The following OR4K1 variants were observed in gnomAD, a reference collection of about 807,000 sequenced individuals.
OR4K1 encodes olfactory receptor 4K1.
Under a neutral mutation model 14.4 loss-of-function variants are expected in OR4K1, and 16 were observed. The observed-to-expected ratio is 1.11, with a 90% CI of 0.75 to 1.68. The LOEUF (loss-of-function observed/expected upper bound fraction) is 1.68. Ranked by LOEUF, OR4K1 falls within the 40% of genes most tolerant of loss-of-function variation. The pLI is 0.00. For missense variants in OR4K1, 548 were observed against 376.9 expected, an observed-to-expected ratio of 1.45 and a Z score of -3.76; for synonymous variants, 181 against 133.1, an observed-to-expected ratio of 1.36 and a Z score of -2.48.
rs372704933 is a variant in OR4K1, at chr14:19,936,078, C to A, written c.412C>A (p.Arg138=). The A allele has an allele frequency of 3.1e-6, 5 of 1,614,218 alleles. No homozygotes were observed. The East Asian group carries it at 8.9e-5, about 29-fold the overall frequency. ...TCTGCACTACAGTACAATTATGAACCGGAGGCTCTGTGTAATTTTTGTGTC... is the reference window on the plus strand; with the variant it reads ...TCTGCACTACAGTACAATTATGAACAGGAGGCTCTGTGTAATTTTTGTGTC... ...KPLHYSTIMN[R]RLCVIFVSIS... The change falls in exon 2 of 2, where the codon CGG becomes AGG. Residue 138 remains arginine, a synonymous_variant. Transcript: ENST00000641172.
intron 1 of OR4K1, among the ~76,000 whole-genome samples, chr14:19,933,696 G>A (rs1478033811): frequency 2.6e-5 from 4 of 152,144 alleles, no homozygotes; most frequent in Non-Finnish European, 5.9e-5. Flanking sequence ...AGGTTCAAGC[G>A]ATTCTCCTGC....
upstream of OR4K1, among the ~76,000 whole-genome samples, chr14:19,929,866 T>A (rs768339317): frequency 6.6e-6 from 1 of 152,234 alleles, no homozygotes; most frequent in Non-Finnish European, 1.5e-5. Context: ...TGTTTGTCAT[T>A]GTATATCTCC....
At chr14:19,921,122 TGTA>T in the OR4K1 span, 74 of 1,614,082 alleles carry the variant, frequency 4.6e-5, no homozygotes, top group African/African-American at 6.7e-5. Flanking sequence ...GTGGACCTAA[TGTA>T]GTAGACAGCT....
Position 19,936,243 on chromosome 14 carries a change from T to C in OR4K1, c.577T>C (p.Tyr193His), listed in dbSNP as rs775770759. The C allele has an allele frequency of 6.2e-6, 10 of 1,614,094 alleles. No homozygotes were observed. Among genetic ancestry groups the C allele is most frequent in the Non-Finnish European group, 8.5e-6 (10 of 1,180,028 alleles). ...LVIELACMDTYEMEIMTLTNS... is the reference protein window; with the variant it reads ...LVIELACMDTHEMEIMTLTNS... ...GATAGAGCTGGCTTGCATGGATACA[T>C]ATGAAATGGAAATTATGACCCTAAC... Residue 193 changes from tyrosine (Y) to histidine (H), a missense_variant, in exon 2 of 2, where the codon TAT becomes CAT. By Grantham distance (83) the Tyr-to-His change is moderately conservative (BLOSUM62 2). Coordinates refer to ENST00000641172, the MANE Select transcript of OR4K1 (RefSeq NM_001004063.3).
chr14:19,936,221 A>G lies in OR4K1; in HGVS notation c.555A>G (p.Ile185Met), dbSNP rs764134770. Residue 185 changes from isoleucine (I) to methionine (M), a missense_variant, in exon 2 of 2, where the codon ATA becomes ATG. By Grantham distance (10) the Ile-to-Met change is conservative. Transcript: ENST00000641172. ...TCTTTTGTGACCTTCCCTTGGTGAT[A>G]GAGCTGGCTTGCATGGATACATATG... is the stretch of plus-strand genomic sequence containing the variant. The part of the protein sequence containing the change: ...DSFFCDLPLV[I>M]ELACMDTYEM... The G allele has an allele frequency of 1.2e-6, 2 of 1,614,242 alleles. No homozygotes were observed. Among genetic ancestry groups the G allele is most frequent in the South Asian group, 1.1e-5 (1 of 91,090 alleles).
chr14:19,921,554 A>T, the OR4K1 span: 2 of 1,612,158 alleles, frequency 1.2e-6, no homozygotes, highest in Non-Finnish European at 1.7e-6. Flanking sequence ...AAATGTCACT[A>T]GTAGTGAGAA....
the OR4K1 span, among the ~76,000 whole-genome samples, chr14:19,922,605 G>A: frequency 6.6e-6 from 1 of 150,522 alleles, no homozygotes; most frequent in African/African-American, 2.4e-5. Context: ...TTTTTTCAAA[G>A]TAAACTGAAG....
At chr14:19,930,302 A>T (rs984464188), upstream of OR4K1, among the ~76,000 whole-genome samples, 1 of 152,158 alleles carries the variant, frequency 6.6e-6, no homozygotes, top group Non-Finnish European at 1.5e-5. Flanking sequence ...CTTACCTTCA[A>T]TTTTTTTACT....
At chr14:19,931,673 T>C (rs1464224672) in intron 1 of OR4K1, among the ~76,000 whole-genome samples, 1 of 152,374 alleles carries the variant, frequency 6.6e-6, no homozygotes, top group East Asian at 1.9e-4. Flanking sequence ...GTATAGTAGA[T>C]ATTAATGCAA....
rs572738291 is a variant in OR4K1 at position 19,936,062 on chromosome 14, C to A, written c.396C>A (p.Tyr132Ter). The change falls in exon 2 of 2, where the codon TAC becomes TAA. Residue 132 changes from tyrosine (Y) to a stop codon, truncating the protein, a stop_gained. Transcript: ENST00000641172. LOFTEE classifies it high-confidence loss of function. ...RFIAICKPLH[Y>*]STIMNRRLCV... ...TAGCCATATGTAAGCCTCTGCACTA[C>A]AGTACAATTATGAACCGGAGGCTCT... The A allele has an allele frequency of 9.6e-5, 155 of 1,614,136 alleles. No individual in the cohort carries two copies. The South Asian group carries it at 1.6e-3, about 17-fold the overall frequency.
upstream of OR4K1, among the ~76,000 whole-genome samples, chr14:19,927,806 G>T (rs189687103): frequency 1.3e-5 from 2 of 152,308 alleles, no homozygotes; most frequent in Non-Finnish European, 2.9e-5. Context: ...CTCTCTACCT[G>T]TAGTCCTTCT....
the OR4K1 span, among the ~76,000 whole-genome samples, chr14:19,925,250 G>A: frequency 1.3e-5 from 2 of 152,224 alleles, no homozygotes; most frequent in African/African-American, 4.8e-5. Flanking sequence ...ACTGGGATTT[G>A]AACATTGATT....
At chr14:19,920,471 T>C in the OR4K1 span, 1 of 1,131,624 alleles carries the variant, frequency 8.8e-7, no homozygotes, top group Non-Finnish European at 1.2e-6. Context: ...CTTCAAAATT[T>C]TTGCATTCAG....
chr14:19,925,252 A>G, the OR4K1 span, among the ~76,000 whole-genome samples: 1 of 152,238 alleles, frequency 6.6e-6, no homozygotes, highest in African/African-American at 2.4e-5. Flanking sequence ...TGGGATTTGA[A>G]CATTGATTAT....
chr14:19,925,988 G>T (rs897308490), upstream of OR4K1, among the ~76,000 whole-genome samples: 1 of 152,242 alleles, frequency 6.6e-6, no homozygotes, highest in African/African-American at 2.4e-5. Flanking sequence ...GAACATAAAG[G>T]TGGGGTGTGG....
At chr14:19,935,464 T>C in intron 1 of OR4K1, 184 bp from the exon 2 acceptor site, 1 of 508,192 alleles carries the variant, frequency 2.0e-6, no homozygotes, top group Non-Finnish European at 3.4e-6. Context: ...TCACACTCTT[T>C]CAACTTTCAT....
rs375912950 is a variant in OR4K1, at chr14:19,936,116, G to C, written c.450G>C (p.Ala150=). Residue 150 remains alanine (A), a synonymous_variant, in exon 2 of 2, where the codon GCG becomes GCC. Transcript: ENST00000641172. ...LCVIFVSISW[A]VGVLHSVSHL... Reference sequence around the variant, plus strand: ...TAATTTTTGTGTCTATTTCCTGGGCGGTGGGCGTTCTTCATTCTGTGAGCC... The same window carrying C: ...TAATTTTTGTGTCTATTTCCTGGGCCGTGGGCGTTCTTCATTCTGTGAGCC... 3 of 1,614,192 alleles carry C rather than the reference G, an allele frequency of 1.9e-6. No homozygotes were observed. The highest frequency in any genetic ancestry group is 2.5e-6 in the Non-Finnish European group (3 of 1,180,028).
the OR4K1 span, chr14:19,921,729 G>T: frequency 1.3e-5 from 11 of 841,924 alleles, no homozygotes; most frequent in Non-Finnish European, 1.9e-5. Flanking sequence ...GGTATCAAGT[G>T]AAAGTTAAAT....
Position 19,936,535 on chromosome 14 carries a change from G to A in OR4K1, c.869G>A (p.Arg290Lys). The A allele has an allele frequency of 6.2e-7, 1 of 1,612,258 alleles. No homozygotes were observed. The highest frequency in any genetic ancestry group is 8.5e-7 in the Non-Finnish European group (1 of 1,179,542). ...TTGAACCCCATCATCTACTCTCTGA[G>A]GAATGAAGATGTTAAAGCAGCCATG... ...PLLNPIIYSLRNEDVKAAMWK... is the reference protein window; with the variant it reads ...PLLNPIIYSLKNEDVKAAMWK... The change falls in exon 2 of 2, where the codon AGG becomes AAG. Residue 290 changes from arginine (R) to lysine (K), a missense_variant. Coordinates refer to ENST00000641172, the MANE Select transcript of OR4K1 (RefSeq NM_001004063.3).
Sources: allele counts gnomAD v4.1 joint callset (sites outside exome capture counted in the v4.1 genomes callset), GRCh38; gene constraint gnomAD v4.1.1; transcripts MANE v1.5; gene names NCBI Gene and HGNC (gene_info 2026-07-23, HGNC 2026-07-21).